The following ASS1 variants were observed in gnomAD, a reference collection of about 807,000 sequenced individuals.
The protein encoded by ASS1 is argininosuccinate synthase 1.
A neutral mutation model predicts 60.5 loss-of-function variants in ASS1; 58 were observed. The ratio of observed to expected loss-of-function variants is 0.96; its 90% CI spans 0.78 to 1.19. ASS1 has a LOEUF of 1.19. ASS1 is among the 50% of genes most tolerant of loss of function. The pLI is 0.00. For missense variants in ASS1, 454 were observed against 547.3 expected (o/e 0.83, Z 1.70); for synonymous variants, 200 against 206.9 (o/e 0.97, Z 0.29).
chr9:130,492,109 G>T (rs1488606938), intron 12 of ASS1, among the ~76,000 whole-genome samples: 1 of 152,208 alleles, frequency 6.6e-6, no homozygotes, highest in Non-Finnish European at 1.5e-5. Context: ...ACAATGTCTG[G>T]CAGACGAGTG....
intron 8 of ASS1, among the ~76,000 whole-genome samples, chr9:130,473,911 A>G (rs1845938008): frequency 6.6e-6 from 1 of 152,036 alleles, no homozygotes; most frequent in South Asian, 2.1e-4. Flanking sequence ...TGCGGCATCG[A>G]TCATGCCTCT....
In ASS1 at chr9:130,488,938, C is replaced by T. The variant is rs767025766; in HGVS notation, c.839-395C>T. On this transcript the variant is annotated intron_variant, in intron 11 of 14. Coordinates refer to ENST00000352480, the MANE Select transcript of ASS1 (RefSeq NM_054012.4). The surrounding 1 kb of genome is among the most constrained non-coding windows in gnomAD (Gnocchi z 5.2). ...GTGCACAGCTGTCCCCCTCCCCTGG[C>T]TCCCTGGTGGAAGGGAAGAAGGGAT... 1.3e-5 allele frequency among the ~76,000 whole-genome samples: 2 copies of T among 152,226 alleles called. No individual in the cohort carries two copies. Among genetic ancestry groups the T allele is most frequent in the Non-Finnish European group, 2.9e-5 (2 of 68,048 alleles).
intron 1 of ASS1, among the ~76,000 whole-genome samples, chr9:130,448,189 T>C (rs1449968401): frequency 6.6e-6 from 1 of 150,998 alleles, no homozygotes; most frequent in African/African-American, 2.4e-5. Flanking sequence ...GGGAGGGGGG[T>C]GCCCCACCCG....
chr9:130,469,156 A>G (rs1257835293), intron 6 of ASS1, among the ~76,000 whole-genome samples: 1 of 152,138 alleles, frequency 6.6e-6, no homozygotes, highest in African/African-American at 2.4e-5. Flanking sequence ...AGGAGCGAGG[A>G]CGGAGCCCAG....
At chr9:130,484,377 C>A (rs761259245) in intron 11 of ASS1, among the ~76,000 whole-genome samples, 2 of 152,024 alleles carry the variant, frequency 1.3e-5, no homozygotes, top group African/African-American at 2.4e-5. Context: ...TGGTTCCCAC[C>A]TCTTTCTGCT....
In ASS1 at chr9:130,470,867, A is replaced by G. The variant is rs1845850148; in HGVS notation, c.529A>G (p.Asn177Asp). Residue 177 changes from asparagine (N) to aspartate (D), a missense_variant, in exon 7 of 15, where the codon AAC (asparagine) becomes GAC (aspartate). Asn to Asp is a conservative substitution (Grantham distance 23). Coordinates refer to ENST00000352480, the MANE Select transcript of ASS1 (RefSeq NM_054012.4). The surrounding 1 kb of genome is among the most constrained non-coding windows in gnomAD (Gnocchi z 4.3). ...GATTCCCATCCCGGTCACTCCCAAGAACCCGTGGAGCATGGATGAGAACCT... is the reference window on the plus strand; with the variant it reads ...GATTCCCATCCCGGTCACTCCCAAGGACCCGTGGAGCATGGATGAGAACCT... ...HGIPIPVTPK[N>D]PWSMDENLMH... is the part of the protein sequence containing the mutation. The G allele has an allele frequency of 6.2e-7, 1 of 1,613,964 alleles. No homozygotes were observed. Among genetic ancestry groups the G allele is most frequent in the Admixed American group, 1.7e-5 (1 of 60,000 alleles).
intron 13 of ASS1, among the ~76,000 whole-genome samples, chr9:130,495,475 A>ACACAC (rs1327812838): frequency 7.1e-6 from 1 of 139,930 alleles, no homozygotes; most frequent in Non-Finnish European, 1.5e-5. Flanking sequence ...ATACATATAC[A>ACACAC]CACACACACA....
At chr9:130,499,839 C>G (rs952003505) in intron 14 of ASS1, among the ~76,000 whole-genome samples, 3 of 152,318 alleles carry the variant, frequency 2.0e-5, no homozygotes, top group Admixed American at 1.3e-4. Flanking sequence ...TACTTGCCCT[C>G]CCCTCCCGCT....
chr9:130,466,910 G>GTGAT, intron 6 of ASS1, 111 bp downstream of exon 6: 2 of 1,242,680 alleles, frequency 1.6e-6, no homozygotes, highest in Non-Finnish European at 2.3e-6. Context: ...CTGACCCCAT[G>GTGAT]TGATGGGGGA....
chr9:130,490,233 C>T (rs1846417139), intron 12 of ASS1, among the ~76,000 whole-genome samples: 1 of 152,248 alleles, frequency 6.6e-6, no homozygotes, highest in Admixed American at 6.5e-5. Context: ...AACTACAGTC[C>T]CTGGGTCAAA....
At chr9:130,445,233 AGTCCCC>A in intron 1 of ASS1, 7 of 27,728 alleles carry the variant, frequency 2.5e-4, no homozygotes, top group Non-Finnish European at 3.1e-4. Flanking sequence ...CGGGGGCGCG[AGTCCCC>A]GGGGGCGCGA....
At chr9:130,480,244 A>T in intron 10 of ASS1, 141 bp from the exon 11 acceptor site, 1 of 917,916 alleles carries the variant, frequency 1.1e-6, no homozygotes, top group Non-Finnish European at 1.7e-6. Flanking sequence ...GACCCGGCTC[A>T]GATGTCCTCT....
chr9:130,462,747 C>T (rs1042889558), intron 4 of ASS1, among the ~76,000 whole-genome samples: 27 of 152,124 alleles, frequency 1.8e-4, no homozygotes, highest in Non-Finnish European at 2.9e-5. Flanking sequence ...CAAATGTGGC[C>T]GCCCCCACCT....
chr9:130,464,296 C>T (rs41296095), intron 5 of ASS1, 129 bp downstream of exon 5: 351 of 1,168,600 alleles, frequency 3.0e-4, no homozygotes, highest in Non-Finnish European at 4.0e-4. Context: ...GGGTGCCCAT[C>T]GGGTGGACAG....
In ASS1 at chr9:130,452,347, C is replaced by G. The variant is rs750278093; in HGVS notation, c.105+14C>G. The G allele has an allele frequency of 1.2e-6, 2 of 1,607,636 alleles. No individual in the cohort carries two copies. The highest frequency in any genetic ancestry group is 3.3e-5 in the Admixed American group (2 of 60,002). On this transcript the variant is annotated intron_variant, in intron 2 of 14. Coordinates refer to ENST00000352480, the MANE Select transcript of ASS1 (RefSeq NM_054012.4). ...ATTGCCTATCTGGTGAGGGAGCGAC[C>G]TGGGTGTCTGTCTTCCTGCGTGTCC...
chr9:130,445,910 T>A (rs2131860989), intron 1 of ASS1, among the ~76,000 whole-genome samples: 1 of 152,288 alleles, frequency 6.6e-6, no homozygotes, highest in Non-Finnish European at 1.5e-5. Context: ...CTAGGGGACT[T>A]GGGCTTTGAT....
At chr9:130,469,776 G>T (rs1223599991) in intron 6 of ASS1, among the ~76,000 whole-genome samples, 4 of 152,204 alleles carry the variant, frequency 2.6e-5, no homozygotes, top group Admixed American at 1.3e-4. Context: ...GCTGCTCCCT[G>T]CAGGAGGCCT....
chr9:130,458,360 G>A (rs754819598), intron 3 of ASS1, 41 bp from the exon 4 acceptor site: 2 of 1,611,682 alleles, frequency 1.2e-6, no homozygotes, highest in Admixed American at 1.7e-5. Context: ...GATGGCCCCT[G>A]TCCTTGCCTA....
chr9:130,487,400 GTTTTTT>G, intron 11 of ASS1, among the ~76,000 whole-genome samples: 1 of 147,584 alleles, frequency 6.8e-6, no homozygotes. Flanking sequence ...ATCCTTCATG[GTTTTTT>G]TTTTTTTTTA....
Sources: gnomAD v4.1 joint callset for allele counts (sites outside exome capture counted in the v4.1 genomes callset) on GRCh38, gnomAD v4.1.1 for gene constraint, Gnocchi (gnomAD v3.1) non-coding constraint, MANE v1.5 for transcripts, NCBI Gene and HGNC (gene_info 2026-07-23, HGNC 2026-07-21) for gene names.